The following DLG2 variants were observed in gnomAD, a reference collection of about 807,000 sequenced individuals.
The protein encoded by DLG2 is discs large MAGUK scaffold protein 2.
Under a neutral mutation model 132.5 loss-of-function variants are expected in DLG2, and 45 were observed. The ratio of observed to expected loss-of-function variants is 0.34; its 90% CI spans 0.27 to 0.44. The LOEUF is 0.44. Among genes scored for constraint, DLG2 ranks in the 20% least tolerant of loss-of-function variants. DLG2 has a pLI of 1.00. For synonymous variants in DLG2, 424 were observed against 419.6 expected, an observed-to-expected ratio of 1.01 and a Z score of -0.13; for missense variants, 1,045 against 1,196.9, an observed-to-expected ratio of 0.87 and a Z score of 1.87.
At chr11:83,880,917 T>C (rs1048914367) in intron 15 of DLG2, among the ~76,000 whole-genome samples, 2 of 152,230 alleles carry the variant, frequency 1.3e-5, no homozygotes, top group Non-Finnish European at 2.9e-5. Context: ...TAAACATTCA[T>C]AACACTTTTG....
chr11:84,456,244 C>T (rs1183580529), intron 7 of DLG2, among the ~76,000 whole-genome samples: 20 of 151,230 alleles, frequency 1.3e-4, no homozygotes. Context: ...TGACAAGTAG[C>T]TATGCAAGGA....
chr11:84,102,537 G>C (rs1181070618), intron 9 of DLG2, among the ~76,000 whole-genome samples: 1 of 152,144 alleles, frequency 6.6e-6, no homozygotes, highest in Non-Finnish European at 1.5e-5. Context: ...CTGTGGTGCA[G>C]CTAAAGGCTG....
intron 7 of DLG2, among the ~76,000 whole-genome samples, chr11:84,485,844 C>T (rs1448785135): frequency 6.6e-6 from 1 of 152,104 alleles, no homozygotes; most frequent in Non-Finnish European, 1.5e-5. Context: ...CCTGAAATCT[C>T]AGTAGCTTAA....
intron 7 of DLG2, among the ~76,000 whole-genome samples, chr11:84,525,546 A>G (rs2099317787): frequency 6.6e-6 from 1 of 152,162 alleles, no homozygotes; most frequent in Non-Finnish European, 1.5e-5. Flanking sequence ...GCTTTACATC[A>G]AAGCTTATCT....
chr11:85,157,619 A>G (rs2077680974), intron 4 of DLG2, among the ~76,000 whole-genome samples: 1 of 152,224 alleles, frequency 6.6e-6, no homozygotes, highest in Non-Finnish European at 1.5e-5. Context: ...TGATGAAATC[A>G]GGGATTCTAA....
chr11:83,687,828 A>AAAAC (rs376234339), intron 18 of DLG2, among the ~76,000 whole-genome samples: 48 of 152,120 alleles, frequency 3.2e-4, no homozygotes, highest in African/African-American at 1.1e-3. Flanking sequence ...CATCTCCACT[A>AAAAC]AAACAAACAA....
chr11:85,314,543 G>A (rs565640970), intron 3 of DLG2, among the ~76,000 whole-genome samples: 6 of 151,752 alleles, frequency 4.0e-5, no homozygotes, highest in Non-Finnish European at 7.4e-5. Context: ...GATGATAGTG[G>A]TGTGTCTTAG....
At chr11:85,254,418 C>A (rs2076558815) in intron 4 of DLG2, among the ~76,000 whole-genome samples, 1 of 152,026 alleles carries the variant, frequency 6.6e-6, no homozygotes, top group African/African-American at 2.4e-5. Flanking sequence ...TCTGAAGAGC[C>A]CAGTCTTACC....
At chr11:84,273,056 G>A (rs1339689536) in intron 7 of DLG2, 1 of 1,077,178 alleles carries the variant, frequency 9.3e-7, no homozygotes, top group Non-Finnish European at 1.2e-6. Context: ...ATCATCAAAT[G>A]CACAGAATTT....
At chr11:85,051,542 G>C (rs2062891150) in intron 6 of DLG2, among the ~76,000 whole-genome samples, 1 of 152,110 alleles carries the variant, frequency 6.6e-6, no homozygotes, top group African/African-American at 2.4e-5. Flanking sequence ...AACAGACACA[G>C]TTTCTGCTCT....
intron 4 of DLG2, among the ~76,000 whole-genome samples, chr11:85,197,827 C>T (rs965911917): frequency 6.6e-6 from 1 of 152,038 alleles, no homozygotes; most frequent in Non-Finnish European, 1.5e-5. Context: ...TTTCAGAAAC[C>T]CTGAATTCTA....
intron 18 of DLG2, among the ~76,000 whole-genome samples, chr11:83,640,198 G>A (rs1211348718): frequency 6.6e-6 from 1 of 152,154 alleles, no homozygotes; most frequent in African/African-American, 2.4e-5. Flanking sequence ...CACTACAGGA[G>A]AATTAGTTTG....
chr11:84,772,133 T>C (rs58114265), intron 6 of DLG2, among the ~76,000 whole-genome samples: 1 of 150,792 alleles, frequency 6.6e-6, no homozygotes, highest in South Asian at 2.1e-4. Context: ...AAACAGACTT[T>C]AAACCAACAA....
chr11:84,224,278 T>G (rs931214014), intron 8 of DLG2, among the ~76,000 whole-genome samples: 1 of 152,210 alleles, frequency 6.6e-6, no homozygotes, highest in Non-Finnish European at 1.5e-5. Flanking sequence ...CAGCTAACAG[T>G]CAGATGCCCC....
In DLG2 at chr11:84,717,276, G is replaced by A. The variant is rs1351150427; in HGVS notation, c.358-182545C>T. Among the ~76,000 whole-genome samples the A allele has an allele frequency of 2.0e-5, 3 of 151,928 alleles. No individual in the cohort carries two copies. The East Asian group carries it at 5.8e-4, about 29-fold the overall frequency. On this transcript the variant is annotated intron_variant, in intron 6 of 27. Transcript: ENST00000376104. The stretch of plus-strand genomic sequence containing the variant: ...GTAGGTAATCTTGAAATGACTGCAG[G>A]TTTCTGAAGTATCCTTATTGAAATC...
intron 8 of DLG2, among the ~76,000 whole-genome samples, chr11:84,166,500 CAAAAAAAAA>C (rs398016937): frequency 2.5e-5 from 2 of 81,028 alleles, no homozygotes; most frequent in East Asian, 7.4e-4. Flanking sequence ...GACTCTGCTT[CAAAAAAAAA>C]AAAAAAAAAA....
intron 19 of DLG2, among the ~76,000 whole-genome samples, chr11:83,602,873 T>A (rs2058766109): frequency 6.6e-6 from 1 of 151,764 alleles, no homozygotes; most frequent in Non-Finnish European, 1.5e-5. Context: ...GTCTCACCTA[T>A]TTATAGAACA....
At chr11:85,525,246 T>C (rs540791372) in intron 3 of DLG2, among the ~76,000 whole-genome samples, 4 of 152,306 alleles carry the variant, frequency 2.6e-5, no homozygotes, top group African/African-American at 7.2e-5. Context: ...TAAGAAAATA[T>C]TTGCAACTTA....
intron 3 of DLG2, among the ~76,000 whole-genome samples, chr11:85,321,062 T>G (rs976428077): frequency 2.0e-5 from 3 of 151,900 alleles, no homozygotes; most frequent in African/African-American, 7.2e-5. Flanking sequence ...GTTTAGGGAA[T>G]AGGAAACTAT....
Sources: allele counts gnomAD v4.1 joint callset (sites outside exome capture counted in the v4.1 genomes callset), GRCh38; gene constraint gnomAD v4.1.1; transcripts MANE v1.5; gene names NCBI Gene and HGNC (gene_info 2026-07-23, HGNC 2026-07-21).